CFAP77: variants seen among roughly 807,000 people sequenced by gnomAD.
CFAP77 encodes cilia and flagella associated protein 77.
Under a neutral mutation model 31.1 loss-of-function variants are expected in CFAP77, and 25 were observed. The observed-to-expected ratio is 0.80, with a 90% confidence interval of 0.59 to 1.12. The LOEUF (loss-of-function observed/expected upper bound fraction) is 1.12, where lower values mean the gene tolerates loss of function less well. Ranked by LOEUF, CFAP77 falls within the 50% of genes most tolerant of loss-of-function variation. The pLI, the probability that CFAP77 is intolerant of heterozygous loss-of-function variation, is 0.00. For synonymous variants in CFAP77, 151 were observed against 159.9 expected, an observed-to-expected ratio of 0.94 and a Z score of 0.42; for missense variants, 377 against 397.3, an observed-to-expected ratio of 0.95 and a Z score of 0.44.
chr9:132,446,377 G>A (rs992266344), intron 1 of CFAP77, among the ~76,000 whole-genome samples: 1 of 151,832 alleles, frequency 6.6e-6, no homozygotes, highest in East Asian at 1.9e-4. Context: ...ACACCAGCTC[G>A]AATGAAGCCC....
rs1304208430 is a variant in CFAP77 at position 132,481,547 on chromosome 9, G to A, written c.196-17148G>A. Among the ~76,000 whole-genome samples the A allele has an allele frequency of 5.9e-5, 9 of 152,346 alleles. No homozygotes were observed. In the East Asian group the frequency reaches 1.4e-3, roughly 23 times the overall value. On this transcript the variant is annotated intron_variant, in intron 1 of 5. Coordinates refer to ENST00000393216, the MANE Select transcript of CFAP77 (RefSeq NM_001282957.2). This position sits in a 1 kb window ranked among gnomAD's most constrained non-coding sequence, Gnocchi z 5.0. ...GGCTGCTGCCCCGCTCCTGCTAGAG[G>A]AGGAGAAGCATTGCTGCTGAGGCCT... is the stretch of plus-strand genomic sequence containing the variant.
chr9:132,471,291 A>C (rs1439624217), intron 1 of CFAP77, among the ~76,000 whole-genome samples: 1 of 152,218 alleles, frequency 6.6e-6, no homozygotes, highest in East Asian at 1.9e-4. Flanking sequence ...GTCCCGTAGA[A>C]TAATCTGGAG....
rs185223072 is a variant in CFAP77, at chr9:132,546,332, C to T, written c.732+3285C>T. Among the ~76,000 whole-genome samples the T allele has an allele frequency of 9.2e-4, 140 of 152,258 alleles. 1 individual carries two copies. Among genetic ancestry groups the T allele is most frequent in the African/African-American group, 3.3e-3 (136 of 41,564 alleles). On this transcript the variant is annotated intron_variant, in intron 5 of 5. Transcript: ENST00000393216. Reference sequence around the variant, plus strand: ...GTGGTGTCTGTCACGTGTGAAGCCCCGGGAGGGCCTTTGTCTGCGCCTGGC... The same window carrying T: ...GTGGTGTCTGTCACGTGTGAAGCCCTGGGAGGGCCTTTGTCTGCGCCTGGC...
chr9:132,474,813 G>T (rs1047020136), intron 1 of CFAP77, among the ~76,000 whole-genome samples: 1 of 152,190 alleles, frequency 6.6e-6, no homozygotes, highest in Non-Finnish European at 1.5e-5. Context: ...AATTGGATCC[G>T]ACGGCTTATG....
intron 1 of CFAP77, among the ~76,000 whole-genome samples, chr9:132,417,970 C>A (rs1850134943): frequency 6.6e-6 from 1 of 152,210 alleles, no homozygotes. Context: ...GCGAGTGAAA[C>A]CATCCAATTT....
At chr9:132,533,274 G>A (rs1298430091) in intron 3 of CFAP77, among the ~76,000 whole-genome samples, 1 of 152,236 alleles carries the variant, frequency 6.6e-6, no homozygotes, top group Non-Finnish European at 1.5e-5. Flanking sequence ...TACCGCTCAT[G>A]GGAAAGGTGG....
chr9:132,543,487 G>C (rs1340394410), intron 5 of CFAP77, among the ~76,000 whole-genome samples: 1 of 152,078 alleles, frequency 6.6e-6, no homozygotes, highest in African/African-American at 2.4e-5. Flanking sequence ...CTTGAGGAAG[G>C]AGGCTGTCCA....
chr9:132,546,262 C>T (rs532552533), intron 5 of CFAP77, among the ~76,000 whole-genome samples: 5 of 152,190 alleles, frequency 3.3e-5, no homozygotes, highest in African/African-American at 4.8e-5. Context: ...CTCAGGGGTC[C>T]GGGCGGGTGG....
intron 1 of CFAP77, among the ~76,000 whole-genome samples, chr9:132,468,083 C>A (rs1014921512): frequency 6.6e-6 from 1 of 152,106 alleles, no homozygotes; most frequent in Non-Finnish European, 1.5e-5. Flanking sequence ...TGGCTCACAC[C>A]TGTAATCTCA....
intron 1 of CFAP77, chr9:132,482,275 C>T: frequency 1.3e-6 from 2 of 1,516,506 alleles, no homozygotes; most frequent in South Asian, 1.1e-5. Flanking sequence ...CTAAACTGAC[C>T]AAATGATCAA....
rs571665067 is a variant in CFAP77, at chr9:132,502,265, A to ATT, written c.524+2676_524+2677dup. On this transcript the variant is annotated intron_variant, in intron 3 of 5. Coordinates refer to ENST00000393216, the MANE Select transcript of CFAP77 (RefSeq NM_001282957.2). ...ACTGTGCCATCATATATATATATATATTTTTTTTTTTTGGGGGAGGGGGGT... is the reference window on the plus strand; with the variant it reads ...ACTGTGCCATCATATATATATATATATTTTTTTTTTTTTTGGGGGAGGGGGGT... 2.9e-3 allele frequency among the ~76,000 whole-genome samples: 243 copies of ATT among 83,868 alleles called. 3 individuals carry two copies. The highest frequency in any genetic ancestry group is 9.0e-3 in the African/African-American group (218 of 24,274). 55.0% of individuals were successfully genotyped at this position (83,868 alleles called of 152,430 possible).
intron 1 of CFAP77, among the ~76,000 whole-genome samples, chr9:132,486,566 A>T (rs1243927504): frequency 6.6e-6 from 1 of 152,190 alleles, no homozygotes; most frequent in Non-Finnish European, 1.5e-5. Context: ...TCTTTAAAAA[A>T]ATATATCCAA....
At chr9:132,458,419 A>G (rs1294201899) in intron 1 of CFAP77, among the ~76,000 whole-genome samples, 1 of 151,462 alleles carries the variant, frequency 6.6e-6, no homozygotes, top group African/African-American at 2.4e-5. Flanking sequence ...CACATATGGA[A>G]TTTCGACTGA....
At chr9:132,519,166 A>T (rs1288283922) in intron 3 of CFAP77, among the ~76,000 whole-genome samples, 8 of 108,246 alleles carry the variant, frequency 7.4e-5, no homozygotes, top group Admixed American at 6.5e-4. Context: ...GTGGATGGAT[A>T]GGTGGGTGGG....
intron 3 of CFAP77, among the ~76,000 whole-genome samples, chr9:132,507,109 C>T (rs1851943296): frequency 6.6e-6 from 1 of 152,226 alleles, no homozygotes; most frequent in Non-Finnish European, 1.5e-5. Flanking sequence ...TGGGTCACTT[C>T]CTTCCCTTTC....
intron 5 of CFAP77, among the ~76,000 whole-genome samples, chr9:132,544,351 C>T (rs1852698575): frequency 6.6e-6 from 1 of 152,198 alleles, no homozygotes; most frequent in Non-Finnish European, 1.5e-5. Context: ...CTCCTGCCCT[C>T]GACAGCACGG....
intron 1 of CFAP77, among the ~76,000 whole-genome samples, chr9:132,486,020 A>ATATATATATATATGTATG (rs1851538123): frequency 4.6e-5 from 2 of 43,066 alleles, no homozygotes; most frequent in Non-Finnish European, 3.7e-5. Context: ...ATATATATAT[A>ATATATATATATATGTATG]TATATATATA....
rs1851451025 is a variant in CFAP77 at position 132,481,890 on chromosome 9, TACATCAAAACAAAAGTCAC to T, written c.196-16804_196-16786del. On this transcript the variant is annotated intron_variant, in intron 1 of 5. Coordinates refer to ENST00000393216, the MANE Select transcript of CFAP77 (RefSeq NM_001282957.2). This position sits in a 1 kb window ranked among gnomAD's most constrained non-coding sequence, Gnocchi z 5.0. ...ACAATCAATAAGATATTATGAAATA[TACATCAAAACAAAAGTCAC>T]TGGAGCGGGCGTTTTCATCTGTTCT... 7.0e-6 allele frequency among the ~76,000 whole-genome samples: 1 copy of T among 143,004 alleles called. No homozygotes were observed. The highest frequency in any genetic ancestry group is 1.5e-5 in the Non-Finnish European group (1 of 65,652). 93.8% of individuals were successfully genotyped at this position (143,004 alleles called of 152,430 possible).
intron 3 of CFAP77, among the ~76,000 whole-genome samples, chr9:132,523,602 GCACAGGGGGGTCCGAGAA>G (rs1360833792): frequency 8.5e-5 from 13 of 152,308 alleles, no homozygotes; most frequent in Admixed American, 7.8e-4. Context: ...CAACTGGGAG[GCACAGGGGGGTCCGAGAA>G]CACCTGAGCC....
Sources: allele counts gnomAD v4.1 joint callset (sites outside exome capture counted in the v4.1 genomes callset), GRCh38; gene constraint gnomAD v4.1.1; non-coding constraint Gnocchi (gnomAD v3.1); transcripts MANE v1.5; gene names NCBI Gene and HGNC (gene_info 2026-07-23, HGNC 2026-07-21).